Variants in C11orf65 observed in about 807,000 individuals in gnomAD.
C11orf65 encodes chromosome 11 open reading frame 65.
A neutral mutation model predicts 35.3 loss-of-function variants in C11orf65; 38 were observed. That is an observed-to-expected ratio of 1.08 (90% confidence interval 0.83 to 1.41). C11orf65 has a LOEUF of 1.41. Ranked by LOEUF, C11orf65 falls within the 40% of genes most tolerant of loss-of-function variation. The pLI is 0.00. For missense variants in C11orf65, 370 were observed against 367.1 expected (o/e 1.01, Z -0.06); for synonymous variants, 105 against 114.4 (o/e 0.92, Z 0.53).
chr11:108,405,173 T>A (rs1306675693), intron 6 of C11orf65, among the ~76,000 whole-genome samples: 5 of 152,158 alleles, frequency 3.3e-5, no homozygotes, highest in Non-Finnish European at 7.3e-5. Context: ...TGAATAAATA[T>A]GAGTCTCCCT....
At chr11:108,347,603 G>A (rs2088611562) in intron 2 of C11orf65, among the ~76,000 whole-genome samples, 1 of 152,096 alleles carries the variant, frequency 6.6e-6, no homozygotes, top group Non-Finnish European at 1.5e-5. Flanking sequence ...AAGAAAGAAA[G>A]AAAGCATAAT....
chr11:108,375,607 A>G (rs1438214077), intron 2 of C11orf65, among the ~76,000 whole-genome samples: 1 of 152,166 alleles, frequency 6.6e-6, no homozygotes, highest in Non-Finnish European at 1.5e-5. Flanking sequence ...CTAACATCAT[A>G]ATGACAGGAT....
chr11:108,318,768 G>A (rs2084968684), intron 6 of C11orf65, among the ~76,000 whole-genome samples: 1 of 152,092 alleles, frequency 6.6e-6, no homozygotes, highest in Non-Finnish European at 1.5e-5. Flanking sequence ...TTTTCTGAAT[G>A]AAAAGCCAAG....
At chr11:108,445,751 A>T (rs2135565114) in intron 2 of C11orf65, among the ~76,000 whole-genome samples, 1 of 152,332 alleles carries the variant, frequency 6.6e-6, no homozygotes, top group South Asian at 2.1e-4. Context: ...CCTCACCAGC[A>T]ATGGAACAAA....
At chr11:108,314,723 A>C (rs1275608189) in intron 6 of C11orf65, among the ~76,000 whole-genome samples, 1 of 152,218 alleles carries the variant, frequency 6.6e-6, no homozygotes, top group Non-Finnish European at 1.5e-5. Flanking sequence ...ACTGTTGACC[A>C]GAAGCCCTAC....
chr11:108,414,180 GA>G (rs141515666), intron 3 of C11orf65, among the ~76,000 whole-genome samples: 1 of 151,782 alleles, frequency 6.6e-6, no homozygotes, highest in Non-Finnish European at 1.5e-5. Context: ...GGGTAACTAA[GA>G]AAAAAAGACA....
chr11:108,383,217 A>G (rs773562556), intron 8 of C11orf65, 42 bp from the exon 9 acceptor site: 5 of 1,456,064 alleles, frequency 3.4e-6, no homozygotes, highest in East Asian at 2.3e-5. Flanking sequence ...ACCAGATATA[A>G]TAAGATGCTC....
At chr11:108,366,029 C>CAAAAAAAAAAAA (rs369583811) in intron 2 of C11orf65, 1 of 99,898 alleles carries the variant, frequency 1.0e-5, no homozygotes, top group Non-Finnish European at 2.0e-5. Flanking sequence ...AACTCCATCT[C>CAAAAAAAAAAAA]AAAAAAAAAA....
chr11:108,418,935 C>G (rs1440276129), intron 3 of C11orf65, among the ~76,000 whole-genome samples: 1 of 151,904 alleles, frequency 6.6e-6, no homozygotes, highest in Non-Finnish European at 1.5e-5. Flanking sequence ...TCAGAGCTAG[C>G]ACAAGAAGAA....
At chr11:108,339,474 A>G (rs1214652637) in intron 2 of C11orf65, among the ~76,000 whole-genome samples, 1 of 152,138 alleles carries the variant, frequency 6.6e-6, no homozygotes, top group African/African-American at 2.4e-5. Flanking sequence ...ATCTAGGATG[A>G]TATCAGCTGT....
intron 2 of C11orf65, among the ~76,000 whole-genome samples, chr11:108,348,761 T>G (rs1169716205): frequency 6.6e-6 from 1 of 152,176 alleles, no homozygotes; most frequent in African/African-American, 2.4e-5. Flanking sequence ...AGAGAAAATA[T>G]GCCATATTCA....
At chr11:108,312,611 G>A (rs1195847960) in intron 6 of C11orf65, 1 of 769,688 alleles carries the variant, frequency 1.3e-6, no homozygotes. Context: ...TTACTTACTG[G>A]ACTAAGCATC....
In C11orf65 at chr11:108,372,924, A is replaced by T. The variant is rs1054217030; in HGVS notation, c.226+20284T>A. On this transcript the variant is annotated intron_variant, in intron 2 of 3. Coordinates refer to the C11orf65 transcript ENST00000524755. ...CCCCATCTCTACCAAAGATTTAAAA[A>T]AAAAAATTAGCTGGGTGTAGTGGCA... Among the ~76,000 whole-genome samples, 8 of 152,104 alleles carry T rather than the reference A, an allele frequency of 5.3e-5. 1 individual carries two copies. In the South Asian group the frequency reaches 1.0e-3, roughly 20 times the overall value.
At chr11:108,446,467 G>C (rs1425328831) in intron 2 of C11orf65, among the ~76,000 whole-genome samples, 1 of 151,630 alleles carries the variant, frequency 6.6e-6, no homozygotes, top group Non-Finnish European at 1.5e-5. Context: ...AAGACAGTGG[G>C]GGCCAATATT....
rs574692834 is a variant in C11orf65 at position 108,412,168 on chromosome 11, T to C, written c.175-5019A>G. 7.1e-4 allele frequency among the ~76,000 whole-genome samples: 108 copies of C among 152,322 alleles called. 1 individual carries two copies. The highest frequency in any genetic ancestry group is 2.5e-3 in the African/African-American group (102 of 41,578). Reference sequence around the variant, plus strand: ...TGTTTAAAGTATGCCTCAAAAATAATAAACAGATGGGGTTTTTGTCAGTCT... The same window carrying C: ...TGTTTAAAGTATGCCTCAAAAATAACAAACAGATGGGGTTTTTGTCAGTCT... On this transcript the variant is annotated intron_variant, in intron 3 of 8. Transcript: ENST00000393084.
At chr11:108,315,024 T>C (rs1406407153) in intron 6 of C11orf65, among the ~76,000 whole-genome samples, 1 of 152,222 alleles carries the variant, frequency 6.6e-6, no homozygotes, top group Non-Finnish European at 1.5e-5. Context: ...CTCTGCATCT[T>C]GGAAGCACCT....
intron 2 of C11orf65, among the ~76,000 whole-genome samples, chr11:108,354,070 AAC>A (rs71047689): frequency 0.019 from 2,161 of 114,856 alleles, 32 homozygotes; most frequent in African/African-American, 0.046. Context: ...CACACACACA[AAC>A]ACACACACAC....
chr11:108,334,630 A>G (rs949196825), intron 3 of C11orf65, among the ~76,000 whole-genome samples: 6 of 152,212 alleles, frequency 3.9e-5, no homozygotes, highest in East Asian at 1.9e-4. Context: ...TTTTCTAGCT[A>G]TATCAGCTAG....
chr11:108,450,525 CA>C (rs2093332404), intron 2 of C11orf65, among the ~76,000 whole-genome samples: 1 of 146,698 alleles, frequency 6.8e-6, no homozygotes, highest in African/African-American at 2.5e-5. Flanking sequence ...ATGGCAAGAA[CA>C]AAAAACCAAA....
Sources: gnomAD v4.1 joint callset for allele counts (sites outside exome capture counted in the v4.1 genomes callset) on GRCh38, gnomAD v4.1.1 for gene constraint, MANE v1.5 for transcripts, NCBI Gene and HGNC (gene_info 2026-07-23, HGNC 2026-07-21) for gene names.